LIN7C: variants seen among roughly 807,000 people sequenced by gnomAD.
The protein encoded by LIN7C is protein lin-7 homolog C.
A neutral mutation model predicts 24.7 loss-of-function variants in LIN7C; 17 were observed. The ratio of observed to expected loss-of-function variants is 0.69; its 90% CI spans 0.47 to 1.03. The LOEUF (loss-of-function observed/expected upper bound fraction) is 1.03. Ranked by LOEUF, LIN7C falls within the 50% of genes least tolerant of loss-of-function variation. LIN7C has a pLI of 0.00. For synonymous variants in LIN7C, 90 were observed against 83.4 expected, an observed-to-expected ratio of 1.08 and a Z score of -0.43; for missense variants, 204 against 239.0, an observed-to-expected ratio of 0.85 and a Z score of 0.97.
rs544290278 is a variant in LIN7C at position 27,499,942 on chromosome 11, T to A, written c.229-374A>T. On this transcript the variant is annotated intron_variant, in intron 3 of 4. Coordinates refer to ENST00000278193, the MANE Select transcript of LIN7C (RefSeq NM_018362.4). ...GCGCCTGGCCTCTTTTGTCTCTTTT[T>A]AAAAACTACTTTTGAGCACGTATTT... Among the ~76,000 whole-genome samples, 74 of 152,338 alleles carry A rather than the reference T, an allele frequency of 4.9e-4. 4 individuals carry two copies. The South Asian group carries it at 0.015, about 31-fold the overall frequency.
At chr11:27,500,933 G>T (rs761222716) in intron 3 of LIN7C, among the ~76,000 whole-genome samples, 8 of 152,104 alleles carry the variant, frequency 5.3e-5, no homozygotes, top group Admixed American at 6.5e-5. Context: ...TTAAGTCACC[G>T]ACTGCTGATA....
intron 2 of LIN7C, 69 bp from the exon 3 acceptor site, chr11:27,501,635 C>CGAAGTTAAAATTTCAGGA: frequency 9.2e-7 from 1 of 1,090,742 alleles, no homozygotes; most frequent in Non-Finnish European, 1.4e-6. Flanking sequence ...AAATTTCAGG[C>CGAAGTTAAAATTTCAGGA]AAAGTTATGC....
chr11:27,502,102 G>T (rs973353127), intron 1 of LIN7C, among the ~76,000 whole-genome samples, 182 bp from the exon 2 acceptor site: 3 of 152,180 alleles, frequency 2.0e-5, no homozygotes, highest in Admixed American at 6.5e-5. Context: ...CACATGGAGG[G>T]TGAGAATGTA....
chr11:27,499,682 G>T (rs567615469), intron 3 of LIN7C, 114 bp from the exon 4 acceptor site: 3 of 891,422 alleles, frequency 3.4e-6, no homozygotes, highest in East Asian at 2.6e-5. Flanking sequence ...GAGTGCAGTG[G>T]CGTGATCTTG....
rs892958728 is a variant in LIN7C at position 27,496,830 on chromosome 11, C to T, written c.*1819G>A. The T allele has an allele frequency of 6.6e-6, 1 of 152,248 alleles. No individual in the cohort carries two copies. The highest frequency in any genetic ancestry group is 2.4e-5 in the African/African-American group (1 of 41,440). The allele number at this position is 152,248 out of a possible 1,614,324, so 9.4% of individuals were successfully genotyped here. On this transcript the variant is annotated 3_prime_UTR_variant, in exon 5 of 5. Coordinates refer to ENST00000278193, the MANE Select transcript of LIN7C (RefSeq NM_018362.4). ...CTGTAGCTATACTAAAATAAGATTT[C>T]TTCAGGGTTTACTTACCCTGAAATG...
rs1761522951 is a variant in LIN7C at position 27,494,472 on chromosome 11, A to G, written c.*4177T>C. Reference sequence around the variant, plus strand: ...GCAAAATATAGAAATTCAAAGTTTCATTTCAGCAGCCACCAGGAATTATGT... The same window carrying G: ...GCAAAATATAGAAATTCAAAGTTTCGTTTCAGCAGCCACCAGGAATTATGT... On this transcript the variant is annotated 3_prime_UTR_variant, in exon 5 of 5. Coordinates refer to ENST00000278193, the MANE Select transcript of LIN7C (RefSeq NM_018362.4). 6.6e-6 allele frequency: 1 copy of G among 152,236 alleles called. No individual in the cohort carries two copies. The highest frequency in any genetic ancestry group is 2.4e-5 in the African/African-American group (1 of 41,466). 9.4% of individuals were successfully genotyped at this position (152,236 alleles called of 1,614,324 possible).
rs990190927 is a variant in LIN7C at position 27,495,883 on chromosome 11, T to G, written c.*2766A>C. On this transcript the variant is annotated 3_prime_UTR_variant, in exon 5 of 5. Transcript: ENST00000278193. ...ATCCTAATGCTTTGGGAGGCTGAGG[T>G]GGAAGCCAAGGAGTTTCAGGCTGCA... 4 of 151,668 alleles carry G rather than the reference T, an allele frequency of 2.6e-5. No individual in the cohort carries two copies. The highest frequency in any genetic ancestry group is 9.7e-5 in the African/African-American group (4 of 41,276). 9.4% of individuals were successfully genotyped at this position (151,668 alleles called of 1,614,324 possible). A position where few individuals can be genotyped will look rare whatever the true frequency, so the allele number is the denominator to read the frequency against.
chr11:27,499,815 G>A (rs1715953793), intron 3 of LIN7C, among the ~76,000 whole-genome samples: 2 of 152,054 alleles, frequency 1.3e-5, no homozygotes, highest in Admixed American at 6.6e-5. Flanking sequence ...TTTTAGTAGA[G>A]ATGGGGTTTC....
At chr11:27,505,348 A>T (rs753883291) in intron 1 of LIN7C, among the ~76,000 whole-genome samples, 23 of 152,218 alleles carry the variant, frequency 1.5e-4, no homozygotes, top group Non-Finnish European at 3.1e-4. Flanking sequence ...GCAACAACAA[A>T]AACACAAAAG....
At chr11:27,503,967 G>T (rs928423734) in intron 1 of LIN7C, among the ~76,000 whole-genome samples, 4 of 151,866 alleles carry the variant, frequency 2.6e-5, no homozygotes, top group Non-Finnish European at 5.9e-5. Flanking sequence ...ACAGGTACCT[G>T]CCACCAGGCC....
At position 27,495,146 on chromosome 11, in the gene LIN7C, A is replaced by G. The variant is rs911034679; in HGVS notation, c.*3503T>C. 1.3e-5 allele frequency: 2 copies of G among 152,578 alleles called. No homozygotes were observed. The highest frequency in any genetic ancestry group is 4.8e-5 in the African/African-American group (2 of 41,460). The allele number at this position is 152,578 out of a possible 1,614,324, so 9.5% of individuals were successfully genotyped here. ...AGCAAAATAACTTAAAAAAATCTTA[A>G]GAGGAGGAGGACAATGATATTTTTT... is the stretch of plus-strand genomic sequence containing the variant. On this transcript the variant is annotated 3_prime_UTR_variant, in exon 5 of 5. Transcript: ENST00000278193.
At chr11:27,500,685 A>G (rs543529626) in intron 3 of LIN7C, among the ~76,000 whole-genome samples, 25 of 152,066 alleles carry the variant, frequency 1.6e-4, no homozygotes, top group African/African-American at 5.8e-4. Flanking sequence ...TTTACTGAAT[A>G]CCCGTTATCT....
intron 1 of LIN7C, 49 bp downstream of exon 1, chr11:27,506,667 A>C: frequency 6.2e-7 from 1 of 1,603,286 alleles, no homozygotes; most frequent in South Asian, 1.1e-5. Context: ...GCGACACAGC[A>C]CTCCCCCAAC....
In LIN7C at chr11:27,496,821, A is replaced by G. The variant is rs1865175390; in HGVS notation, c.*1828T>C. 1 of 152,262 alleles carries G rather than the reference A, an allele frequency of 6.6e-6. No individual in the cohort carries two copies. Among genetic ancestry groups the G allele is most frequent in the South Asian group, 2.1e-4 (1 of 4,838 alleles). The allele number at this position is 152,262 out of a possible 1,614,324, so 9.4% of individuals were successfully genotyped here. A position where few individuals can be genotyped will look rare whatever the true frequency, so the allele number is the denominator to read the frequency against. Reference sequence around the variant, plus strand: ...CTACTGCAGCTGTAGCTATACTAAAATAAGATTTCTTCAGGGTTTACTTAC... The same window carrying G: ...CTACTGCAGCTGTAGCTATACTAAAGTAAGATTTCTTCAGGGTTTACTTAC... On this transcript the variant is annotated 3_prime_UTR_variant, in exon 5 of 5. Coordinates refer to ENST00000278193, the MANE Select transcript of LIN7C (RefSeq NM_018362.4).
Position 27,498,075 on chromosome 11 carries a change from C to T in LIN7C, c.*574G>A, listed in dbSNP as rs1204199832. ...TAAAAGTGAAAAAACTTGCACTGTA[C>T]TGAGTCATGATTTACCACTGGTTAT... On this transcript the variant is annotated 3_prime_UTR_variant, in exon 5 of 5. Coordinates refer to ENST00000278193, the MANE Select transcript of LIN7C (RefSeq NM_018362.4). The T allele has an allele frequency of 1.3e-5, 2 of 152,178 alleles. No individual in the cohort carries two copies. The highest frequency in any genetic ancestry group is 6.5e-5 in the Admixed American group (1 of 15,278). 9.4% of individuals were successfully genotyped at this position (152,178 alleles called of 1,614,324 possible).
intron 3 of LIN7C, among the ~76,000 whole-genome samples, chr11:27,501,079 T>C (rs1865220378): frequency 6.6e-6 from 1 of 152,166 alleles, no homozygotes; most frequent in Non-Finnish European, 1.5e-5. Flanking sequence ...AGCTCTATCA[T>C]ATGCTATTTG....
At chr11:27,506,695 C>G (rs1297919007) in intron 1 of LIN7C, 21 bp downstream of exon 1, 1 of 1,613,756 alleles carries the variant, frequency 6.2e-7, no homozygotes, top group South Asian at 1.1e-5. Flanking sequence ...CCCACCTCCG[C>G]CGAGCCTCGG....
chr11:27,499,724 G>A (rs1022246394), intron 3 of LIN7C, among the ~76,000 whole-genome samples, 156 bp from the exon 4 acceptor site: 2 of 151,996 alleles, frequency 1.3e-5, no homozygotes, highest in African/African-American at 4.8e-5. Context: ...CTGGCTTCAC[G>A]CCATTCTCCT....
Position 27,506,723 on chromosome 11 carries a change from C to G in LIN7C, c.30G>C (p.Leu10=). 1.2e-6 allele frequency: 2 copies of G among 1,614,110 alleles called. No individual in the cohort carries two copies. The highest frequency in any genetic ancestry group is 1.7e-6 in the Non-Finnish European group (2 of 1,180,022). The change falls in exon 1 of 5, where the codon CTG becomes CTC. Residue 10 remains leucine, a synonymous_variant. Transcript: ENST00000278193. The part of the protein sequence containing the change: MAALGEPVR[L]ERDICRAIEL... ...AGCCTCGGCTGCACTCACCTCTCTC[C>G]AGCCGCACGGGTTCCCCTAGCGCCG...
Sources: gnomAD v4.1 joint callset for allele counts (sites outside exome capture counted in the v4.1 genomes callset) on GRCh38, gnomAD v4.1.1 for gene constraint, MANE v1.5 for transcripts, NCBI Gene and HGNC (gene_info 2026-07-23, HGNC 2026-07-21) for gene names.